Variants in PARD3B observed in about 807,000 individuals in gnomAD.
The protein encoded by PARD3B is par-3 family cell polarity regulator beta.
Under a neutral mutation model 130.2 loss-of-function variants are expected in PARD3B, and 103 were observed. That is an observed-to-expected ratio of 0.79 (90% confidence interval 0.67 to 0.93). PARD3B has a LOEUF of 0.93. Ranked by LOEUF, PARD3B falls within the 40% of genes least tolerant of loss-of-function variation. PARD3B has a pLI of 0.00. For missense variants in PARD3B, 1,609 were observed against 1,499.2 expected (o/e 1.07, Z -1.21); for synonymous variants, 583 against 553.2 (o/e 1.05, Z -0.76).
Position 205,164,080 on chromosome 2 carries a change from G to A in PARD3B, c.1620+5173G>A, listed in dbSNP as rs141757973. ...GTGATACATTTTAAGGACTTTAAAAGCAGGAACTTTGCCTGGAAATATACA... is the reference window on the plus strand; with the variant it reads ...GTGATACATTTTAAGGACTTTAAAAACAGGAACTTTGCCTGGAAATATACA... On this transcript the variant is annotated intron_variant, in intron 11 of 22. Transcript: ENST00000406610. Among the ~76,000 whole-genome samples the A allele has an allele frequency of 3.9e-3, 596 of 152,166 alleles. 2 individuals carry two copies. Among genetic ancestry groups the A allele is most frequent in the African/African-American group, 0.013 (553 of 41,524 alleles).
rs1215925450 is a variant in PARD3B, at chr2:205,473,694, A to ATATATG, written c.3045-26197_3045-26196insGTATAT. 1.1e-3 allele frequency among the ~76,000 whole-genome samples: 157 copies of ATATATG among 138,704 alleles called. 1 individual carries two copies. Among genetic ancestry groups the ATATATG allele is most frequent in the African/African-American group, 4.0e-3 (139 of 34,376 alleles). 91.0% of individuals were successfully genotyped at this position (138,704 alleles called of 152,430 possible). A position where few individuals can be genotyped will look rare whatever the true frequency, so the allele number is the denominator to read the frequency against. On this transcript the variant is annotated intron_variant, in intron 20 of 22. Transcript: ENST00000406610. The surrounding 1 kb of genome is among the most constrained non-coding windows in gnomAD (Gnocchi z 4.9). ...TGTGTGTGTGTGTATGTATATATATATATATATATATATATACACACACAC... is the reference window on the plus strand; with the variant it reads ...TGTGTGTGTGTGTATGTATATATATATATATGTATATATATATATATACACACACAC...
At chr2:205,365,144 G>A (rs1472621570) in intron 18 of PARD3B, among the ~76,000 whole-genome samples, 1 of 149,002 alleles carries the variant, frequency 6.7e-6, no homozygotes, top group Non-Finnish European at 1.5e-5. Context: ...AGGTTGCAGT[G>A]AGCTGAGATA....
At chr2:205,080,147 A>T (rs530135306) in intron 4 of PARD3B, among the ~76,000 whole-genome samples, 1 of 152,286 alleles carries the variant, frequency 6.6e-6, no homozygotes, top group Non-Finnish European at 1.5e-5. Context: ...ACCCCTGATC[A>T]CAGTTGCTGT....
intron 2 of PARD3B, among the ~76,000 whole-genome samples, chr2:204,720,528 A>G (rs2038943297): frequency 1.3e-5 from 2 of 152,218 alleles, no homozygotes; most frequent in Non-Finnish European, 2.9e-5. Flanking sequence ...TTGTAATATG[A>G]AAAAGAAATC....
At chr2:204,970,130 TCC>T (rs996181963) in intron 3 of PARD3B, among the ~76,000 whole-genome samples, 2 of 152,012 alleles carry the variant, frequency 1.3e-5, no homozygotes, top group Non-Finnish European at 2.9e-5. Context: ...TCCCGGTCCT[TCC>T]CCTGACTAGT....
At position 205,050,197 on chromosome 2, in the gene PARD3B, A is replaced by T. The variant is rs145913743; in HGVS notation, c.504+2507A>T. 3.0e-3 allele frequency among the ~76,000 whole-genome samples: 449 copies of T among 148,300 alleles called. 2 individuals carry two copies. Among genetic ancestry groups the T allele is most frequent in the African/African-American group, 0.01 (411 of 40,886 alleles). On this transcript the variant is annotated intron_variant, in intron 4 of 22. Coordinates refer to ENST00000406610, the MANE Select transcript of PARD3B (RefSeq NM_001302769.2). ...TATTAATTAATATATATTAATATATAAATATATAATAATACTAATTAATAA... is the reference window on the plus strand; with the variant it reads ...TATTAATTAATATATATTAATATATTAATATATAATAATACTAATTAATAA...
chr2:204,762,343 T>C (rs1257784489), intron 2 of PARD3B, among the ~76,000 whole-genome samples: 1 of 151,880 alleles, frequency 6.6e-6, no homozygotes. Context: ...CGATCTCCTG[T>C]CCTTGTGATC....
chr2:204,919,548 G>C (rs1395004368), intron 2 of PARD3B, among the ~76,000 whole-genome samples: 1 of 152,134 alleles, frequency 6.6e-6, no homozygotes, highest in African/African-American at 2.4e-5. Flanking sequence ...ATGTTTTTGA[G>C]ATTCACCGTT....
chr2:205,185,650 A>G, intron 13 of PARD3B, 114 bp from the exon 14 acceptor site: 1 of 744,278 alleles, frequency 1.3e-6, no homozygotes, highest in African/African-American at 1.7e-5. Flanking sequence ...TATTTATTTC[A>G]GGGCTGGTTT....
intron 1 of PARD3B, among the ~76,000 whole-genome samples, chr2:204,551,945 G>A (rs781050948): frequency 1.3e-5 from 2 of 152,204 alleles, no homozygotes; most frequent in African/African-American, 4.8e-5. Flanking sequence ...ATGAAGAGAT[G>A]TTCTAGATCT....
At chr2:204,583,812 G>A (rs2032697266) in intron 1 of PARD3B, among the ~76,000 whole-genome samples, 1 of 152,186 alleles carries the variant, frequency 6.6e-6, no homozygotes, top group Non-Finnish European at 1.5e-5. Context: ...TTCTTTTCGT[G>A]TATTGATCAA....
At position 205,291,588 on chromosome 2, in the gene PARD3B, C is replaced by G. The variant is rs959179640; in HGVS notation, c.2186-8942C>G. ...TTGTAAGCAAATTTCTCTGATTTCT[C>G]TAAAATCCAGATAGCGTATTTAATT... On this transcript the variant is annotated intron_variant, in intron 16 of 22. Transcript: ENST00000406610. This position sits in a 1 kb window ranked among gnomAD's most constrained non-coding sequence, Gnocchi z 4.6. Among the ~76,000 whole-genome samples the G allele has an allele frequency of 6.6e-6, 1 of 152,172 alleles. No individual in the cohort carries two copies. The highest frequency in any genetic ancestry group is 1.5e-5 in the Non-Finnish European group (1 of 68,026).
At chr2:205,044,254 C>T (rs1226198118) in intron 3 of PARD3B, among the ~76,000 whole-genome samples, 10 of 148,142 alleles carry the variant, frequency 6.8e-5, no homozygotes, top group African/African-American at 2.0e-4. Flanking sequence ...TGAATAATGC[C>T]GCAATAAACA....
chr2:205,232,148 T>G (rs1296287497), intron 15 of PARD3B, among the ~76,000 whole-genome samples: 1 of 152,190 alleles, frequency 6.6e-6, no homozygotes, highest in Non-Finnish European at 1.5e-5. Context: ...TCCAATGACA[T>G]TTTAAAAAAT....
intron 22 of PARD3B, among the ~76,000 whole-genome samples, chr2:205,574,291 A>G (rs1335413919): frequency 1.3e-5 from 2 of 152,220 alleles, no homozygotes; most frequent in Admixed American, 1.3e-4. Context: ...CAGACAACGA[A>G]CAAGACAAAA....
At chr2:204,908,766 T>C (rs1164114017) in intron 2 of PARD3B, among the ~76,000 whole-genome samples, 1 of 152,196 alleles carries the variant, frequency 6.6e-6, no homozygotes, top group East Asian at 1.9e-4. Flanking sequence ...CAGTAGTAGA[T>C]ACTAAAGACC....
intron 3 of PARD3B, among the ~76,000 whole-genome samples, chr2:205,023,027 C>A (rs1696737489): frequency 6.6e-6 from 1 of 152,192 alleles, no homozygotes; most frequent in African/African-American, 2.4e-5. Context: ...GATATGAAAT[C>A]ATTACAGGCT....
rs2105872988 is a variant in PARD3B, at chr2:205,291,082, T to TA, written c.2186-9446dup. 6.6e-6 allele frequency among the ~76,000 whole-genome samples: 1 copy of TA among 152,192 alleles called. No individual in the cohort carries two copies. Among genetic ancestry groups the TA allele is most frequent in the Non-Finnish European group, 1.5e-5 (1 of 68,018 alleles). The stretch of plus-strand genomic sequence containing the variant: ...GGTACCAAGAAGTAAAATGACACTA[T>TA]AACAAATACCTAAAAATATGGAAAC... On this transcript the variant is annotated intron_variant, in intron 16 of 22. Transcript: ENST00000406610. The surrounding 1 kb of genome is among the most constrained non-coding windows in gnomAD (Gnocchi z 4.6).
At chr2:205,198,571 T>G (rs1226403831) in intron 15 of PARD3B, among the ~76,000 whole-genome samples, 4 of 152,198 alleles carry the variant, frequency 2.6e-5, no homozygotes, top group Non-Finnish European at 5.9e-5. Context: ...ATAAGCCAAC[T>G]GAGTTCTCAC....
Sources: gnomAD v4.1 joint callset for allele counts (sites outside exome capture counted in the v4.1 genomes callset) on GRCh38, gnomAD v4.1.1 for gene constraint, Gnocchi (gnomAD v3.1) non-coding constraint, MANE v1.5 for transcripts, NCBI Gene and HGNC (gene_info 2026-07-23, HGNC 2026-07-21) for gene names.